Variants in PACRG observed in about 807,000 individuals in gnomAD.
The protein encoded by PACRG is parkin coregulated, also known as parkin coregulated gene protein.
A neutral mutation model predicts 29.7 loss-of-function variants in PACRG; 29 were observed. The ratio of observed to expected loss-of-function variants is 0.98; its 90% CI spans 0.73 to 1.33. PACRG has a LOEUF of 1.33. Ranked by LOEUF, PACRG falls within the 40% of genes most tolerant of loss-of-function variation. The pLI, the probability that PACRG is intolerant of heterozygous loss-of-function variation, is 0.00. For synonymous variants in PACRG, 116 were observed against 118.7 expected (o/e 0.98, Z 0.15); for missense variants, 279 against 316.2 (o/e 0.88, Z 0.89).
At chr6:162,747,495 C>T (rs1403350373) in intron 1 of PACRG, among the ~76,000 whole-genome samples, 7 of 42,740 alleles carry the variant, frequency 1.6e-4, no homozygotes, top group African/African-American at 2.9e-4. Flanking sequence ...TATATATATT[C>T]CATTAGTTCT....
At chr6:163,309,926 T>G (rs1181692901) in intron 4 of PACRG, 1 of 152,206 alleles carries the variant, frequency 6.6e-6, no homozygotes, top group Non-Finnish European at 1.5e-5. Context: ...AAAGTATAGA[T>G]AGAGTTCATA....
intron 4 of PACRG, among the ~76,000 whole-genome samples, chr6:163,243,125 TC>T (rs1782563990): frequency 6.6e-6 from 1 of 152,224 alleles, no homozygotes; most frequent in South Asian, 2.1e-4. Context: ...CAAGGCGTGG[TC>T]CAGGAGTCAT....
chr6:163,250,881 T>TTG (rs1554234754), intron 4 of PACRG, among the ~76,000 whole-genome samples: 9 of 127,834 alleles, frequency 7.0e-5, no homozygotes, highest in Non-Finnish European at 1.3e-4. Context: ...AAAGAAATTG[T>TTG]TGTATATATA....
intron 4 of PACRG, among the ~76,000 whole-genome samples, chr6:163,117,438 T>C (rs1439173810): frequency 6.6e-6 from 1 of 151,064 alleles, no homozygotes; most frequent in Non-Finnish European, 1.5e-5. Flanking sequence ...ATGAAAGGAG[T>C]GGAGGTTTTG....
intron 4 of PACRG, among the ~76,000 whole-genome samples, chr6:163,170,237 C>T (rs10945877): frequency 0.3 from 45,253 of 151,786 alleles, 7,086 homozygotes; most frequent in East Asian, 0.46. Context: ...TGGCTTAGAG[C>T]GGGGAACAAG....
In PACRG at chr6:162,973,725, G is replaced by T. The variant is rs116275201; in HGVS notation, c.292-88425G>T. Among the ~76,000 whole-genome samples the T allele has an allele frequency of 3.8e-3, 573 of 152,160 alleles. 6 individuals are homozygous for T. The highest frequency in any genetic ancestry group is 0.013 in the African/African-American group (551 of 41,496). ...ACTAAAAAAGTGCTAGAAATAAATT[G>T]TCCTGCTTTGCATAAAACCTTAAGA... On this transcript the variant is annotated intron_variant, in intron 2 of 4. Coordinates refer to ENST00000366888, the MANE Select transcript of PACRG (RefSeq NM_001080379.2).
chr6:162,861,828 A>G (rs900657824), intron 2 of PACRG, among the ~76,000 whole-genome samples: 1 of 152,038 alleles, frequency 6.6e-6, no homozygotes, highest in Non-Finnish European at 1.5e-5. Flanking sequence ...AAGCTCTCTA[A>G]ATTTCCTCTT....
At chr6:162,782,383 G>T (rs1220755875) in intron 1 of PACRG, among the ~76,000 whole-genome samples, 1 of 151,840 alleles carries the variant, frequency 6.6e-6, no homozygotes, top group African/African-American at 2.4e-5. Context: ...TACAAAAGAT[G>T]TGAAATATTT....
intron 2 of PACRG, among the ~76,000 whole-genome samples, chr6:162,925,619 TA>T (rs1413250434): frequency 6.6e-6 from 1 of 152,196 alleles, no homozygotes; most frequent in Non-Finnish European, 1.5e-5. Context: ...CCTTTCATGT[TA>T]AAAACTCTCA....
intron 4 of PACRG, among the ~76,000 whole-genome samples, chr6:163,147,532 C>A (rs566685421): frequency 1.3e-5 from 2 of 152,258 alleles, no homozygotes; most frequent in African/African-American, 4.8e-5. Flanking sequence ...CATGGCAGTT[C>A]TTTCTATTCT....
chr6:163,164,529 G>A (rs73012834), intron 4 of PACRG, among the ~76,000 whole-genome samples: 2,342 of 152,276 alleles, frequency 0.015, 62 homozygotes, highest in Middle Eastern at 0.054. Flanking sequence ...CTCTTCCCTC[G>A]CTTGAGTTAA....
At chr6:162,745,027 GTTAT>G (rs1780879568) in intron 1 of PACRG, among the ~76,000 whole-genome samples, 1 of 151,840 alleles carries the variant, frequency 6.6e-6, no homozygotes, top group African/African-American at 2.4e-5. Flanking sequence ...CTTTTTCTAT[GTTAT>G]TTATTTCCTG....
At chr6:163,185,825 A>G (rs537552331) in intron 4 of PACRG, among the ~76,000 whole-genome samples, 23 of 152,264 alleles carry the variant, frequency 1.5e-4, no homozygotes, top group African/African-American at 5.5e-4. Context: ...TGGGTCCAGT[A>G]GGGATGCCTC....
intron 1 of PACRG, among the ~76,000 whole-genome samples, chr6:162,797,291 A>G (rs1008623723): frequency 6.6e-6 from 1 of 151,064 alleles, no homozygotes; most frequent in African/African-American, 2.5e-5. Context: ...AACAAAAAAA[A>G]CAACAACAAC....
intron 1 of PACRG, among the ~76,000 whole-genome samples, chr6:162,788,728 A>AT (rs1453746707): frequency 6.6e-6 from 1 of 152,116 alleles, no homozygotes; most frequent in Non-Finnish European, 1.5e-5. Context: ...ATGATACCTC[A>AT]TTTTTTAAAT....
At chr6:163,243,579 C>T (rs1263808983) in intron 4 of PACRG, among the ~76,000 whole-genome samples, 2 of 152,154 alleles carry the variant, frequency 1.3e-5, no homozygotes, top group Admixed American at 6.5e-5. Flanking sequence ...GCAGGAGCCG[C>T]GGGATGGTGG....
At chr6:163,167,118 G>A (rs1404281528) in intron 4 of PACRG, among the ~76,000 whole-genome samples, 1 of 152,168 alleles carries the variant, frequency 6.6e-6, no homozygotes, top group Admixed American at 6.5e-5. Flanking sequence ...TAAAATGTCT[G>A]CACAATCAAA....
At chr6:163,071,550 G>C (rs956032741) in intron 3 of PACRG, among the ~76,000 whole-genome samples, 1 of 151,920 alleles carries the variant, frequency 6.6e-6, no homozygotes, top group Non-Finnish European at 1.5e-5. Flanking sequence ...ACATGACTAA[G>C]AGGGAAATGT....
intron 4 of PACRG, among the ~76,000 whole-genome samples, chr6:163,300,206 G>A (rs889654417): frequency 2.0e-5 from 3 of 152,220 alleles, no homozygotes; most frequent in South Asian, 2.1e-4. Context: ...CTTGGTGAGT[G>A]AGCCTGCTTA....
Sources: gnomAD v4.1 joint callset for allele counts (sites outside exome capture counted in the v4.1 genomes callset) on GRCh38, gnomAD v4.1.1 for gene constraint, MANE v1.5 for transcripts, NCBI Gene and HGNC (gene_info 2026-07-23, HGNC 2026-07-21) for gene names.